The following WDR19 variants were observed in gnomAD, a reference collection of about 807,000 sequenced individuals.
The protein encoded by WDR19 is WD repeat domain 19.
A neutral mutation model predicts 180.0 loss-of-function variants in WDR19; 121 were observed. The ratio of observed to expected loss-of-function variants is 0.67; its 90% CI spans 0.58 to 0.78. The LOEUF (loss-of-function observed/expected upper bound fraction) is 0.78. Ranked by LOEUF, WDR19 falls within the 30% of genes least tolerant of loss-of-function variation. WDR19 has a pLI of 0.00. For synonymous variants in WDR19, 497 were observed against 540.7 expected (o/e 0.92, Z 1.12); for missense variants, 1,450 against 1,640.7 (o/e 0.88, Z 2.01).
intron 6 of WDR19, among the ~76,000 whole-genome samples, chr4:39,202,675 A>G (rs777531891): frequency 4.2e-5 from 6 of 144,364 alleles, no homozygotes; most frequent in Non-Finnish European, 7.7e-5. Flanking sequence ...CTATAATACA[A>G]AAGTACATAT....
At chr4:39,189,584 T>C in intron 3 of WDR19, 72 bp from the exon 4 acceptor site, 1 of 1,344,242 alleles carries the variant, frequency 7.4e-7, no homozygotes, top group Non-Finnish European at 9.9e-7. Context: ...AATCTTGTTA[T>C]AGACAAAAAT....
rs1488863149 is a variant in WDR19 at position 39,199,532 on chromosome 4, CT to C, written c.464del (p.Leu155Ter). ...CGCWNAENLL[A>X]LGGEDKMITV... is the part of the protein sequence containing the mutation. ...TGTTGGAATGCAGAAAATCTGCTTG[CT>C]TTAGGTGGTGAAGATAAAATGATTA... On this transcript the variant is annotated frameshift_variant, in exon 6 of 37. Coordinates refer to ENST00000399820, the MANE Select transcript of WDR19 (RefSeq NM_025132.4). LOFTEE classifies it high-confidence loss of function. 1 of 1,613,364 alleles carries C rather than the reference CT, an allele frequency of 6.2e-7. No individual in the cohort carries two copies. The highest frequency in any genetic ancestry group is 1.1e-5 in the South Asian group (1 of 91,044).
At chr4:39,217,385 C>G (rs1222697154) in intron 13 of WDR19, 145 bp downstream of exon 13, 6 of 650,220 alleles carry the variant, frequency 9.2e-6, no homozygotes, top group Non-Finnish European at 1.5e-5. Flanking sequence ...AAAACCCTTC[C>G]CCTTCTATAT....
chr4:39,278,961 A>ATT lies in WDR19; in HGVS notation c.*13+306_*13+307dup, dbSNP rs397933179. Reference sequence around the variant, plus strand: ...AAAACTAGAGCCAGCTAATAAAAGTATTTTTTTTTAGGGTCTGTGATATAA... The same window carrying ATT: ...AAAACTAGAGCCAGCTAATAAAAGTATTTTTTTTTTTAGGGTCTGTGATATAA... On this transcript the variant is annotated intron_variant, in intron 36 of 36. Coordinates refer to ENST00000399820, the MANE Select transcript of WDR19 (RefSeq NM_025132.4). Among the ~76,000 whole-genome samples, 161 of 151,348 alleles carry ATT rather than the reference A, an allele frequency of 1.1e-3. 1 individual carries two copies. Among genetic ancestry groups the ATT allele is most frequent in the Middle Eastern group, 3.4e-3 (1 of 292 alleles).
intron 29 of WDR19, among the ~76,000 whole-genome samples, chr4:39,267,136 C>G (rs1414034855): frequency 6.6e-6 from 1 of 152,214 alleles, no homozygotes; most frequent in Non-Finnish European, 1.5e-5. Context: ...AAATATGCGA[C>G]TCACTGTGGC....
chr4:39,219,941 C>T (rs1206769757), intron 14 of WDR19, among the ~76,000 whole-genome samples: 2 of 151,998 alleles, frequency 1.3e-5, no homozygotes, highest in Non-Finnish European at 2.9e-5. Context: ...AAATAGTGGC[C>T]GGTGCAGTAG....
chr4:39,186,797 A>G (rs1354702808), intron 3 of WDR19, among the ~76,000 whole-genome samples, 193 bp downstream of exon 3: 1 of 152,234 alleles, frequency 6.6e-6, no homozygotes, highest in Non-Finnish European at 1.5e-5. Flanking sequence ...ATCTATAAAC[A>G]CCCATATACT....
chr4:39,238,529 A>C (rs1317718736), intron 20 of WDR19, among the ~76,000 whole-genome samples: 1 of 152,234 alleles, frequency 6.6e-6, no homozygotes, highest in African/African-American at 2.4e-5. Context: ...AGCTAGGGAT[A>C]TCTCCTGAGA....
chr4:39,214,675 T>C lies in WDR19; in HGVS notation c.961+4T>C, dbSNP rs749342966. On this transcript the variant is annotated splice_donor_region_variant and intron_variant, in intron 10 of 36. Transcript: ENST00000399820. The stretch of plus-strand genomic sequence containing the variant: ...AACCTGGATGAGGAAAATAAAGGTA[T>C]TGATTTTTCTGAAGCAGATTGACAT... 6 of 1,546,898 alleles carry C rather than the reference T, an allele frequency of 3.9e-6. No individual in the cohort carries two copies. Among genetic ancestry groups the C allele is most frequent in the Non-Finnish European group, 5.3e-6 (6 of 1,125,046 alleles).
chr4:39,270,243 T>C, intron 31 of WDR19, 143 bp downstream of exon 31: 1 of 1,182,494 alleles, frequency 8.5e-7, no homozygotes, highest in Non-Finnish European at 1.2e-6. Context: ...ACAGAACATA[T>C]CTACAATACG....
intron 6 of WDR19, among the ~76,000 whole-genome samples, chr4:39,202,864 T>C (rs138966793): frequency 1.4e-3 from 219 of 152,234 alleles, no homozygotes; most frequent in Middle Eastern, 3.4e-3. Flanking sequence ...AGTTTTGTAA[T>C]TTTGAATTAT....
In WDR19 at chr4:39,245,449, G is replaced by A; in HGVS notation, c.2726G>A (p.Gly909Glu). 5 of 1,613,220 alleles carry A rather than the reference G, an allele frequency of 3.1e-6. No homozygotes were observed. The highest frequency in any genetic ancestry group is 4.2e-6 in the Non-Finnish European group (5 of 1,179,532). ...TATGCCAAAGCCAAGGAAGCAGATG[G>A]AAGGTTTGTACACTTTCTCAAATTT... is the stretch of plus-strand genomic sequence containing the variant. The part of the protein sequence containing the change: ...LQYAKAKEAD[G>E]RYKEAVVAYE... Residue 909 changes from glycine to glutamate, a missense_variant, in exon 24 of 37, where the codon GGA (glycine) becomes GAA (glutamate). Gly to Glu is a moderately conservative substitution (Grantham distance 98). Coordinates refer to ENST00000399820, the MANE Select transcript of WDR19 (RefSeq NM_025132.4).
intron 9 of WDR19, among the ~76,000 whole-genome samples, chr4:39,209,775 C>T (rs932352484): frequency 2.0e-5 from 3 of 149,322 alleles, no homozygotes; most frequent in African/African-American, 7.4e-5. Flanking sequence ...AAAATTGATA[C>T]GCTTCTAACA....
At chr4:39,259,566 G>A (rs1191619126) in intron 28 of WDR19, among the ~76,000 whole-genome samples, 1 of 152,120 alleles carries the variant, frequency 6.6e-6, no homozygotes, top group East Asian at 1.9e-4. Flanking sequence ...CCATGTTGTA[G>A]CATGTGTCAA....
At chr4:39,233,420 T>C (rs1478675323) in intron 19 of WDR19, among the ~76,000 whole-genome samples, 2 of 152,206 alleles carry the variant, frequency 1.3e-5, no homozygotes, top group African/African-American at 4.8e-5. Context: ...TCCTATTTCT[T>C]TAAAGTAGGA....
At chr4:39,239,463 A>G (rs181463801) in intron 20 of WDR19, among the ~76,000 whole-genome samples, 53 of 152,038 alleles carry the variant, frequency 3.5e-4, no homozygotes, top group African/African-American at 1.2e-3. Flanking sequence ...AATGTGTTTT[A>G]TGGTCACATG....
intron 20 of WDR19, among the ~76,000 whole-genome samples, chr4:39,239,130 A>T (rs1449009745): frequency 2.0e-5 from 3 of 152,006 alleles, no homozygotes; most frequent in African/African-American, 4.8e-5. Context: ...GGCGCATGCC[A>T]CCACACCCGG....
chr4:39,199,317 C>G (rs1727125556), intron 5 of WDR19, among the ~76,000 whole-genome samples, 161 bp from the exon 6 acceptor site: 1 of 152,064 alleles, frequency 6.6e-6, no homozygotes, highest in Non-Finnish European at 1.5e-5. Context: ...TATTTTATAC[C>G]TTGGTAATAA....
At position 39,205,598 on chromosome 4, in the gene WDR19, G is replaced by A; in HGVS notation, c.752G>A (p.Cys251Tyr). 6.2e-7 allele frequency: 1 copy of A among 1,613,352 alleles called. No individual in the cohort carries two copies. Among genetic ancestry groups the A allele is most frequent in the Non-Finnish European group, 8.5e-7 (1 of 1,179,658 alleles). The change falls in exon 9 of 37, where the codon TGT becomes TAT. Residue 251 changes from cysteine (C) to tyrosine (Y), a missense_variant. Transcript: ENST00000399820. ...GGCCGCATCATGATTGGTTTTTCATGTGGACATTTTGTGGTCATTTCTACT... is the reference window on the plus strand; with the variant it reads ...GGCCGCATCATGATTGGTTTTTCATATGGACATTTTGTGGTCATTTCTACT... ...GDGRIMIGFS[C>Y]GHFVVISTHT...
Sources: gnomAD v4.1 joint callset for allele counts (sites outside exome capture counted in the v4.1 genomes callset) on GRCh38, gnomAD v4.1.1 for gene constraint, MANE v1.5 for transcripts, NCBI Gene and HGNC (gene_info 2026-07-23, HGNC 2026-07-21) for gene names.